Variants in FMN1 observed in about 807,000 individuals in gnomAD.
The protein encoded by FMN1 is formin-1.
A neutral mutation model predicts 132.4 loss-of-function variants in FMN1; 110 were observed. The ratio of observed to expected loss-of-function variants is 0.83; its 90% CI spans 0.71 to 0.97. The LOEUF (loss-of-function observed/expected upper bound fraction) is 0.97. Among genes scored for constraint, FMN1 ranks in the 50% least tolerant of loss-of-function variants. FMN1 has a pLI of 0.00. For synonymous variants in FMN1, 722 were observed against 651.7 expected (o/e 1.11, Z -1.64); for missense variants, 1,792 against 1,705.3 (o/e 1.05, Z -0.90).
At chr15:33,143,489 T>C (rs1180846631) in intron 4 of FMN1, among the ~76,000 whole-genome samples, 1 of 152,218 alleles carries the variant, frequency 6.6e-6, no homozygotes, top group African/African-American at 2.4e-5. Context: ...TGTGATACCA[T>C]TGCTATCTTT....
chr15:33,043,111 A>G (rs2036516176), intron 6 of FMN1, among the ~76,000 whole-genome samples: 1 of 152,178 alleles, frequency 6.6e-6, no homozygotes, highest in African/African-American at 2.4e-5. Flanking sequence ...TTGAATTTTG[A>G]TCTCTTCCCT....
intron 6 of FMN1, among the ~76,000 whole-genome samples, chr15:33,033,043 T>G (rs1042499046): frequency 1.3e-5 from 2 of 152,194 alleles, no homozygotes; most frequent in Non-Finnish European, 2.9e-5. Context: ...GTTTGTTTTT[T>G]GTTTTTAAAT....
intron 4 of FMN1, among the ~76,000 whole-genome samples, chr15:33,152,752 C>T (rs1005831987): frequency 2.6e-5 from 3 of 113,772 alleles, no homozygotes; most frequent in African/African-American, 6.9e-5. Context: ...TTGAGAGTCA[C>T]TGTTACGCAA....
intron 5 of FMN1, among the ~76,000 whole-genome samples, chr15:33,075,317 C>A (rs1272568348): frequency 6.6e-6 from 1 of 152,110 alleles, no homozygotes; most frequent in Non-Finnish European, 1.5e-5. Flanking sequence ...TTTTAGCATT[C>A]TCATTATAAA....
rs930786761 is a variant in FMN1, at chr15:32,767,015, G to T, written c.*7295C>A. 4 of 152,138 alleles carry T rather than the reference G, an allele frequency of 2.6e-5. No individual in the cohort carries two copies. The highest frequency in any genetic ancestry group is 5.9e-5 in the Non-Finnish European group (4 of 68,058). The allele number at this position is 152,138 out of a possible 1,614,324, so 9.4% of individuals were successfully genotyped here. On this transcript the variant is annotated 3_prime_UTR_variant, in exon 21 of 21. Transcript: ENST00000616417. ...AACCAAGCACAGACCAGTTTCACTG[G>T]GGTACCTGCTTTCCCAGTACATTGG...
chr15:33,048,953 C>T (rs572550492), intron 6 of FMN1, among the ~76,000 whole-genome samples: 1 of 152,234 alleles, frequency 6.6e-6, no homozygotes, highest in East Asian at 1.9e-4. Context: ...GTAAAAGGTG[C>T]TTTTAGTAAA....
At chr15:33,177,088 G>A (rs1205716797) in intron 3 of FMN1, among the ~76,000 whole-genome samples, 3 of 152,230 alleles carry the variant, frequency 2.0e-5, no homozygotes, top group African/African-American at 7.2e-5. Flanking sequence ...AGCCTGTGAA[G>A]TAGGTACTAT....
chr15:32,794,427 C>G (rs1171634126), intron 19 of FMN1, among the ~76,000 whole-genome samples: 1 of 152,056 alleles, frequency 6.6e-6, no homozygotes, highest in Non-Finnish European at 1.5e-5. Context: ...CCTTCTGTAC[C>G]TTTTGCAAAT....
At chr15:32,834,562 C>T (rs1185231295) in intron 17 of FMN1, among the ~76,000 whole-genome samples, 5 of 152,126 alleles carry the variant, frequency 3.3e-5, no homozygotes, top group African/African-American at 1.2e-4. Context: ...ACAAAGAAAC[C>T]GACTGCCATC....
chr15:33,003,136 G>A (rs1415600446), intron 7 of FMN1, among the ~76,000 whole-genome samples: 2 of 152,174 alleles, frequency 1.3e-5, no homozygotes, highest in African/African-American at 4.8e-5. Context: ...TTTAAAAACT[G>A]GTACAAGACA....
intron 4 of FMN1, among the ~76,000 whole-genome samples, chr15:33,119,001 T>A (rs8027173): frequency 1.3e-5 from 2 of 152,076 alleles, no homozygotes; most frequent in African/African-American, 4.8e-5. Context: ...TGGTATAATT[T>A]AAAAAATTGG....
At chr15:32,890,040 G>C (rs1156991546) in intron 15 of FMN1, among the ~76,000 whole-genome samples, 1 of 152,182 alleles carries the variant, frequency 6.6e-6, no homozygotes, top group African/African-American at 2.4e-5. Context: ...TTCCATTCCT[G>C]AGTTACTCCA....
At chr15:33,123,119 G>A (rs937099493) in intron 4 of FMN1, among the ~76,000 whole-genome samples, 4 of 150,760 alleles carry the variant, frequency 2.7e-5, no homozygotes, top group African/African-American at 9.8e-5. Context: ...TTCTTTCAAC[G>A]TCATATCGTC....
chr15:32,874,742 T>C (rs767212293), intron 16 of FMN1, among the ~76,000 whole-genome samples: 7 of 152,202 alleles, frequency 4.6e-5, no homozygotes, highest in Admixed American at 1.3e-4. Context: ...TTTCAGTGAG[T>C]TTATTTAAAA....
At chr15:32,880,539 C>A (rs1234791942) in intron 16 of FMN1, among the ~76,000 whole-genome samples, 1 of 152,182 alleles carries the variant, frequency 6.6e-6, no homozygotes, top group Non-Finnish European at 1.5e-5. Flanking sequence ...TCCTTCTCCA[C>A]TGAATTTTTA....
intron 9 of FMN1, among the ~76,000 whole-genome samples, chr15:32,932,183 G>C (rs1369482013): frequency 6.6e-6 from 1 of 152,168 alleles, no homozygotes; most frequent in African/African-American, 2.4e-5. Context: ...CGGATCACTT[G>C]AGGTCAGGAG....
intron 2 of FMN1, among the ~76,000 whole-genome samples, chr15:33,183,435 T>G (rs1448016683): frequency 6.6e-6 from 1 of 152,230 alleles, no homozygotes; most frequent in Non-Finnish European, 1.5e-5. Context: ...AGCTAACACA[T>G]GAGAAATTTA....
rs1171369156 is a variant in FMN1, at chr15:33,069,993, CTTTTTTTT to C, written c.2044-4927_2044-4920del. ...AACAGATCATAAGATCAGTCTTTCTCTTTTTTTTTTTTTTTTTTTTTTTTTTTTTGAGA... is the reference window on the plus strand; with the variant it reads ...AACAGATCATAAGATCAGTCTTTCTCTTTTTTTTTTTTTTTTTTTTTGAGA... On this transcript the variant is annotated intron_variant, in intron 5 of 20. Transcript: ENST00000616417. 1.5e-3 allele frequency among the ~76,000 whole-genome samples: 111 copies of C among 74,326 alleles called. 1 individual carries two copies. The highest frequency in any genetic ancestry group is 3.5e-3 in the African/African-American group (66 of 19,052). The allele number at this position is 74,326 out of a possible 152,430, so 48.8% of individuals were successfully genotyped here.
chr15:33,073,424 T>C (rs2038074876), intron 5 of FMN1, among the ~76,000 whole-genome samples: 1 of 152,156 alleles, frequency 6.6e-6, no homozygotes. Context: ...GAGGAAACTA[T>C]TTCTGCAGGT....
Sources: gnomAD v4.1 joint callset for allele counts (sites outside exome capture counted in the v4.1 genomes callset) on GRCh38, gnomAD v4.1.1 for gene constraint, MANE v1.5 for transcripts, NCBI Gene and HGNC (gene_info 2026-07-23, HGNC 2026-07-21) for gene names.